LRRC40: variants seen among roughly 807,000 people sequenced by gnomAD.
LRRC40 encodes the protein leucine-rich repeat-containing protein 40.
LRRC40 carries 76 observed loss-of-function variants against 72.8 expected under a neutral mutation model. The observed-to-expected ratio is 1.04, with a 90% CI of 0.87 to 1.26. The LOEUF is 1.26. LRRC40 is among the 50% of genes most tolerant of loss of function. The pLI is 0.00. For synonymous variants in LRRC40, 243 were observed against 254.2 expected, an observed-to-expected ratio of 0.96 and a Z score of 0.42; for missense variants, 684 against 698.9, an observed-to-expected ratio of 0.98 and a Z score of 0.24.
At chr1:70,171,489 C>CA (rs1178789290) in intron 9 of LRRC40, among the ~76,000 whole-genome samples, 1 of 151,678 alleles carries the variant, frequency 6.6e-6, no homozygotes, top group African/African-American at 2.4e-5. Flanking sequence ...ACTTACAGCT[C>CA]AATGATTTAA....
In LRRC40 at chr1:70,148,597, T is replaced by A. The variant is rs1355632327; in HGVS notation, c.1593A>T (p.Gly531=). ...TCTTCATTTTCTGAGGGTCCACAGA[T>A]CCAACCTGATTATTACTAATCAGAA... is the stretch of plus-strand genomic sequence containing the variant. ...ETILISNNQV[G]SVDPQKMKMM... The change falls in exon 14 of 15, where the codon GGA becomes GGT. Residue 531 remains glycine (G), a synonymous_variant. Transcript: ENST00000370952. 6.2e-7 allele frequency: 1 copy of A among 1,613,164 alleles called. No homozygotes were observed. The highest frequency in any genetic ancestry group is 1.3e-5 in the African/African-American group (1 of 75,030).
intron 1 of LRRC40, among the ~76,000 whole-genome samples, chr1:70,190,269 G>T (rs1571488131): frequency 6.6e-6 from 1 of 151,996 alleles, no homozygotes; most frequent in Non-Finnish European, 1.5e-5. Context: ...AAATGAAAAG[G>T]TATAGTCAAA....
Position 70,148,608 on chromosome 1 carries a change from T to C in LRRC40, c.1582A>G (p.Asn528Asp). 1 of 1,613,298 alleles carries C rather than the reference T, an allele frequency of 6.2e-7. No individual in the cohort carries two copies. The highest frequency in any genetic ancestry group is 8.5e-7 in the Non-Finnish European group (1 of 1,179,396). ...TGAGGGTCCACAGATCCAACCTGAT[T>C]ATTACTAATCAGAATTGTTTCAAGT... Reference protein sequence around the residue: ...FTLETILISNNQVGSVDPQKM... With the variant: ...FTLETILISNDQVGSVDPQKM... The change falls in exon 14 of 15, where the codon AAT becomes GAT. Residue 528 changes from asparagine to aspartate, a missense_variant. Coordinates refer to ENST00000370952, the MANE Select transcript of LRRC40 (RefSeq NM_017768.5).
rs1200827161 is a variant in LRRC40 at position 70,145,803 on chromosome 1, A to C, written c.1806T>G (p.Thr602=). 6.4e-7 allele frequency: 1 copy of C among 1,554,420 alleles called. No homozygotes were observed. Among genetic ancestry groups the C allele is most frequent in the African/African-American group, 1.4e-5 (1 of 73,802 alleles). ...AGGGTTATAAAGCAACTCCATGTTA[A>C]GTAGGAATTCGGTCTCTCAAATATT... ...ILEYLRDRIP[T] Residue 602 remains threonine (T), a synonymous_variant, in exon 15 of 15, where the codon ACT becomes ACG. Transcript: ENST00000370952.
chr1:70,159,302 A>C (rs756305861), intron 10 of LRRC40, 28 bp downstream of exon 10: 1 of 1,085,018 alleles, frequency 9.2e-7, no homozygotes, highest in Non-Finnish European at 1.3e-6. Context: ...TATCTCTATA[A>C]AAATAAAAAT....
chr1:70,178,862 T>C lies in LRRC40; in HGVS notation c.793A>G (p.Ser265Gly), dbSNP rs369627711. The change falls in exon 6 of 15, where the codon AGT becomes GGT. Residue 265 changes from serine to glycine, a missense_variant. By Grantham distance (56) the Ser-to-Gly change is moderately conservative (BLOSUM62 0). Coordinates refer to ENST00000370952, the MANE Select transcript of LRRC40 (RefSeq NM_017768.5). ...LRFLPEFPSC[S>G]LLKELHVGEN... is the part of the protein sequence containing the mutation. Reference sequence around the variant, plus strand: ...CAACTAAATAGTACCTTCAATAGACTACAAGAAGGAAATTCTGGTAGAAAA... The same window carrying C: ...CAACTAAATAGTACCTTCAATAGACCACAAGAAGGAAATTCTGGTAGAAAA... The C allele has an allele frequency of 4.4e-6, 7 of 1,590,108 alleles. No individual in the cohort carries two copies. Among genetic ancestry groups the C allele is most frequent in the Non-Finnish European group, 6.0e-6 (7 of 1,163,400 alleles).
intron 1 of LRRC40, among the ~76,000 whole-genome samples, chr1:70,191,010 T>C (rs1057468141): frequency 3.3e-5 from 5 of 151,198 alleles, no homozygotes; most frequent in Non-Finnish European, 2.9e-5. Flanking sequence ...ATTAGTTAAG[T>C]AGGAAAGAGA....
intron 1 of LRRC40, among the ~76,000 whole-genome samples, chr1:70,190,156 A>G (rs1668461833): frequency 6.6e-6 from 1 of 152,186 alleles, no homozygotes; most frequent in Non-Finnish European, 1.5e-5. Context: ...TAAAAGTAGA[A>G]CTACATTTAG....
chr1:70,192,862 T>C (rs780710125), intron 1 of LRRC40, among the ~76,000 whole-genome samples: 1 of 151,926 alleles, frequency 6.6e-6, no homozygotes. Context: ...AACTAATGGG[T>C]ATGAGGCTTA....
intron 1 of LRRC40, among the ~76,000 whole-genome samples, chr1:70,197,725 G>A (rs1441910804): frequency 6.6e-6 from 1 of 151,832 alleles, no homozygotes; most frequent in East Asian, 1.9e-4. Context: ...ATATGATATG[G>A]GTGGATAAAG....
At chr1:70,151,053 TGGC>T (rs1158969969) in intron 13 of LRRC40, 72 bp downstream of exon 13, 1 of 803,098 alleles carries the variant, frequency 1.2e-6, no homozygotes, top group Non-Finnish European at 2.0e-6. Flanking sequence ...TTTGTTTTTT[TGGC>T]TTTTGTTTTC....
chr1:70,165,431 G>A (rs1247974491), intron 9 of LRRC40, among the ~76,000 whole-genome samples: 2 of 152,202 alleles, frequency 1.3e-5, no homozygotes, highest in Non-Finnish European at 2.9e-5. Context: ...TACATTTGAA[G>A]CATCACAGAC....
At chr1:70,183,597 G>A (rs952784569) in intron 4 of LRRC40, among the ~76,000 whole-genome samples, 6 of 150,846 alleles carry the variant, frequency 4.0e-5, no homozygotes, top group Non-Finnish European at 1.5e-5. Context: ...TGTCATCCAC[G>A]CTGGAGTGCA....
chr1:70,162,729 G>A (rs1266104618), intron 9 of LRRC40, among the ~76,000 whole-genome samples: 1 of 152,190 alleles, frequency 6.6e-6, no homozygotes, highest in African/African-American at 2.4e-5. Flanking sequence ...ACATAAAAAT[G>A]AGTAAGACAC....
chr1:70,204,690 T>C (rs1217614839), intron 1 of LRRC40, among the ~76,000 whole-genome samples: 3 of 151,194 alleles, frequency 2.0e-5, no homozygotes, highest in African/African-American at 7.3e-5. Context: ...ACAGGAAAAA[T>C]GCTCTATTTC....
intron 4 of LRRC40, 68 bp downstream of exon 4, chr1:70,184,717 A>C (rs1668321960): frequency 6.3e-6 from 9 of 1,420,656 alleles, no homozygotes; most frequent in Non-Finnish European, 8.6e-6. Flanking sequence ...CATCTATCTT[A>C]ATTTCTCAGC....
chr1:70,164,866 T>C (rs1349079626), intron 9 of LRRC40, among the ~76,000 whole-genome samples: 9 of 152,250 alleles, frequency 5.9e-5, no homozygotes, highest in African/African-American at 2.2e-4. Context: ...CATTGATATT[T>C]ACCTAGCCTA....
rs542903243 is a variant in LRRC40 at position 70,162,560 on chromosome 1, C to T, written c.1112-3122G>A. On this transcript the variant is annotated intron_variant, in intron 9 of 14. Transcript: ENST00000370952. ...CCAAACCTATTTCTTTAGTGAAGCACCCCACTTTTATCACATGAAAGATGA... is the reference window on the plus strand; with the variant it reads ...CCAAACCTATTTCTTTAGTGAAGCATCCCACTTTTATCACATGAAAGATGA... Among the ~76,000 whole-genome samples the T allele has an allele frequency of 5.3e-5, 8 of 152,284 alleles. No homozygotes were observed. In the South Asian group the frequency reaches 1.5e-3, roughly 28 times the overall value.
At chr1:70,187,217 T>C in intron 3 of LRRC40, 48 bp downstream of exon 3, 3 of 867,642 alleles carry the variant, frequency 3.5e-6, no homozygotes. Flanking sequence ...ATATTAGATT[T>C]AAACCATTAT....
Sources: allele counts gnomAD v4.1 joint callset (sites outside exome capture counted in the v4.1 genomes callset), GRCh38; gene constraint gnomAD v4.1.1; transcripts MANE v1.5; gene names NCBI Gene and HGNC (gene_info 2026-07-23, HGNC 2026-07-21).